BPTF: variants seen among roughly 807,000 people sequenced by gnomAD.
The protein encoded by BPTF is bromodomain PHD finger transcription factor, also known as nucleosome-remodeling factor subunit BPTF.
In BPTF, 18 loss-of-function variants were observed where a neutral mutation model predicts 292.5. The observed-to-expected ratio is 0.06, with a 90% confidence interval of 0.04 to 0.09. The LOEUF is 0.09. Ranked by LOEUF, BPTF falls within the 10% of genes least tolerant of loss-of-function variation. The probability of loss-of-function intolerance (pLI) is 1.00; values close to 1 mark genes in which losing one functional copy is unlikely to be tolerated. For missense variants in BPTF, 2,726 were observed against 3,498.7 expected, an observed-to-expected ratio of 0.78 and a Z score of 5.57; for synonymous variants, 1,225 against 1,251.9, an observed-to-expected ratio of 0.98 and a Z score of 0.45.
Position 67,929,423 on chromosome 17 carries a change from G to A in BPTF, c.6086G>A (p.Arg2029Lys). The A allele has an allele frequency of 1.2e-6, 2 of 1,614,106 alleles. No individual in the cohort carries two copies. Among genetic ancestry groups the A allele is most frequent in the Non-Finnish European group, 1.7e-6 (2 of 1,180,030 alleles). The change falls in exon 17 of 28, where the codon AGG becomes AAG. Residue 2029 changes from arginine to lysine, a missense_variant. By Grantham distance (26) the Arg-to-Lys change is conservative. This residue lies in a region of BPTF where 570 missense variants were observed against 633.5 expected (regional missense o/e 0.90). Coordinates refer to ENST00000306378, the MANE Select transcript of BPTF (RefSeq NM_182641.4). The part of the protein sequence containing the change: ...SQQTFTSFQP[R>K]TATVTIRPNT... ...CAAACCTTTACTTCATTCCAGCCCAGGACAGCAACAGTCACAATTAGGCCC... is the reference window on the plus strand; with the variant it reads ...CAAACCTTTACTTCATTCCAGCCCAAGACAGCAACAGTCACAATTAGGCCC...
chr17:67,929,363 T>C lies in BPTF; in HGVS notation c.6026T>C (p.Leu2009Pro), dbSNP rs1324326274. 6.2e-7 allele frequency: 1 copy of C among 1,614,142 alleles called. No individual in the cohort carries two copies. The highest frequency in any genetic ancestry group is 8.5e-7 in the Non-Finnish European group (1 of 1,179,982). The change falls in exon 17 of 28, where the codon CTG becomes CCG. Residue 2009 changes from leucine to proline, a missense_variant. By Grantham distance (98) the Leu-to-Pro change is moderately conservative (BLOSUM62 -3). This residue lies in a region of BPTF where 198 missense variants were observed against 277.1 expected (regional missense o/e 0.71). Transcript: ENST00000306378. ...GTTGTTCAAGTACAGCAGAAAGTCC[T>C]GGGTATCATTCCATCAAGTACAGGT... ...SGVVQVQQKV[L>P]GIIPSSTGTS...
chr17:67,958,422 CTT>C (rs1166605874), intron 23 of BPTF, among the ~76,000 whole-genome samples: 10 of 152,072 alleles, frequency 6.6e-5, no homozygotes, highest in Non-Finnish European at 1.5e-4. Flanking sequence ...CTCATTAAAA[CTT>C]TTTAAAAAAT....
At chr17:67,899,687 C>G (rs138205467) in intron 7 of BPTF, among the ~76,000 whole-genome samples, 79 of 151,940 alleles carry the variant, frequency 5.2e-4, no homozygotes, top group African/African-American at 1.9e-3. Flanking sequence ...TGTGCCACCA[C>G]GACCAGCTAA....
chr17:67,901,001 A>C (rs534813629), intron 7 of BPTF, among the ~76,000 whole-genome samples: 8 of 152,114 alleles, frequency 5.3e-5, no homozygotes, highest in Non-Finnish European at 1.0e-4. Context: ...CCTGGGCAAC[A>C]GAGTGACAAC....
intron 18 of BPTF, among the ~76,000 whole-genome samples, chr17:67,934,728 T>C (rs2064758735): frequency 6.6e-6 from 1 of 151,692 alleles, no homozygotes; most frequent in South Asian, 2.1e-4. Flanking sequence ...AAAAATTAGC[T>C]GGGTGTGGTG....
intron 4 of BPTF, among the ~76,000 whole-genome samples, chr17:67,880,636 T>G (rs1417195331): frequency 1.3e-5 from 2 of 152,118 alleles, no homozygotes; most frequent in Non-Finnish European, 1.5e-5. Flanking sequence ...TTTTGGTTTT[T>G]GGTTTTTTGT....
intron 2 of BPTF, among the ~76,000 whole-genome samples, chr17:67,860,840 C>T (rs1465140956): frequency 2.0e-5 from 3 of 152,222 alleles, no homozygotes; most frequent in South Asian, 2.1e-4. Flanking sequence ...TTACAACAGG[C>T]GTGGACCACC....
Position 67,886,212 on chromosome 17 carries a change from G to A in BPTF, c.1865-5632G>A, listed in dbSNP as rs776623153. On this transcript the variant is annotated intron_variant, in intron 4 of 27. Transcript: ENST00000306378. ...CCTAATCTGGAAAACAGTAACAGCA[G>A]CAGTGAACTAAATTCTTCCCAGAGT... The A allele has an allele frequency of 6.2e-7, 1 of 1,613,994 alleles. No homozygotes were observed. Among genetic ancestry groups the A allele is most frequent in the Non-Finnish European group, 8.5e-7 (1 of 1,179,886 alleles).
chr17:67,941,628 C>G (rs1555671994), intron 19 of BPTF, among the ~76,000 whole-genome samples: 1 of 152,108 alleles, frequency 6.6e-6, no homozygotes, highest in African/African-American at 2.4e-5. Flanking sequence ...GAAGAGATGA[C>G]TTTTCAGTAA....
At chr17:67,974,760 G>A (rs2069193128) in intron 26 of BPTF, 1 of 152,388 alleles carries the variant, frequency 6.6e-6, no homozygotes, top group African/African-American at 2.4e-5. Flanking sequence ...GAGGGGTGTG[G>A]AGTCTCCCAT....
intron 3 of BPTF, among the ~76,000 whole-genome samples, chr17:67,869,783 A>G (rs1173639263): frequency 2.7e-5 from 4 of 147,580 alleles, no homozygotes; most frequent in Middle Eastern, 3.3e-3. Context: ...GGAGATCGAG[A>G]CCATCCTGGC....
rs997089207 is a variant in BPTF at position 67,950,222 on chromosome 17, T to C, written c.7926+1916T>C. On this transcript the variant is annotated intron_variant, in intron 23 of 27. Coordinates refer to ENST00000306378, the MANE Select transcript of BPTF (RefSeq NM_182641.4). ...GTTGCAGTGATGCGAAATCATGCCA[T>C]TGCCCTCCAACCTGGGCGACAGAGT... Among the ~76,000 whole-genome samples the C allele has an allele frequency of 4.6e-5, 7 of 151,636 alleles. No homozygotes were observed. The South Asian group carries it at 1.5e-3, about 32-fold the overall frequency.
chr17:67,830,449 T>C (rs1007501566), intron 1 of BPTF, among the ~76,000 whole-genome samples: 8 of 152,224 alleles, frequency 5.3e-5, no homozygotes, highest in African/African-American at 1.9e-4. Context: ...GGTTTGACAA[T>C]ATTATTCCTA....
chr17:67,871,047 A>G (rs958165983), intron 3 of BPTF, among the ~76,000 whole-genome samples: 2 of 152,056 alleles, frequency 1.3e-5, no homozygotes, highest in Non-Finnish European at 2.9e-5. Context: ...CTGGGATTAC[A>G]GGCGTGAGCC....
At chr17:67,829,476 C>T (rs571417264) in intron 1 of BPTF, among the ~76,000 whole-genome samples, 11 of 149,494 alleles carry the variant, frequency 7.4e-5, no homozygotes, top group South Asian at 4.3e-4. Context: ...TTGCCCCCCA[C>T]CCCCCGGATG....
chr17:67,833,618 G>C (rs2056903477), intron 1 of BPTF, among the ~76,000 whole-genome samples: 1 of 151,354 alleles, frequency 6.6e-6, no homozygotes, highest in Admixed American at 6.6e-5. Flanking sequence ...GCCCAGGCTG[G>C]AGTGCAGTGG....
chr17:67,881,715 C>G (rs2060419461), intron 4 of BPTF, among the ~76,000 whole-genome samples: 1 of 151,690 alleles, frequency 6.6e-6, no homozygotes, highest in African/African-American at 2.4e-5. Context: ...GTTGGCCAGG[C>G]TGGTCTTGAA....
chr17:67,852,311 A>T (rs1488106701), intron 1 of BPTF, among the ~76,000 whole-genome samples: 4 of 152,126 alleles, frequency 2.6e-5, no homozygotes, highest in East Asian at 1.9e-4. Context: ...ACGAAAATAC[A>T]TGTATGAATT....
At chr17:67,929,130 A>T (rs2064149515) in intron 16 of BPTF, 4 of 1,351,636 alleles carry the variant, frequency 3.0e-6, no homozygotes, top group Non-Finnish European at 3.8e-6. Context: ...GGTAAGGGAA[A>T]TGTGAAGTTT....
Sources: gnomAD v4.1 joint callset for allele counts (sites outside exome capture counted in the v4.1 genomes callset) on GRCh38, gnomAD v4.1.1 for gene constraint, gnomAD v4.1.1 regional missense constraint, MANE v1.5 for transcripts, NCBI Gene and HGNC (gene_info 2026-07-23, HGNC 2026-07-21) for gene names.